EVC2: variants seen among roughly 807,000 people sequenced by gnomAD.
EVC2 encodes the protein limbin.
EVC2 carries 148 observed loss-of-function variants against 149.3 expected under a neutral mutation model. The ratio of observed to expected loss-of-function variants is 0.99; its 90% CI spans 0.87 to 1.14. The LOEUF (loss-of-function observed/expected upper bound fraction) is 1.14, where lower values mean the gene tolerates loss of function less well. EVC2 is among the 50% of genes most tolerant of loss of function. EVC2 has a pLI of 0.00. For synonymous variants in EVC2, 776 were observed against 649.9 expected (o/e 1.19, Z -2.95); for missense variants, 1,854 against 1,627.3 (o/e 1.14, Z -2.40).
In EVC2 at chr4:5,625,749, C is replaced by T. The variant is rs1386834330; in HGVS notation, c.2046G>A (p.Lys682=). 6.2e-7 allele frequency: 1 copy of T among 1,614,118 alleles called. No individual in the cohort carries two copies. The highest frequency in any genetic ancestry group is 8.5e-7 in the Non-Finnish European group (1 of 1,180,034). ...ATAAATAGCATCATGCCTTATATACCTTTTGTAGCAACTCTCGTCTTCTCT... is the reference window on the plus strand; with the variant it reads ...ATAAATAGCATCATGCCTTATATACTTTTTGTAGCAACTCTCGTCTTCTCT... ...ITKRRRELLQ[K]HREQRREQAS... The change falls in exon 13 of 22, where the codon AAG becomes AAA. Residue 682 remains lysine (K), a splice_region_variant and synonymous_variant. Transcript: ENST00000344408. The surrounding 1 kb of genome is among the most constrained non-coding windows in gnomAD (Gnocchi z 4.0).
At chr4:5,655,986 T>C (rs973595665) in intron 9 of EVC2, among the ~76,000 whole-genome samples, 20 of 152,218 alleles carry the variant, frequency 1.3e-4, no homozygotes, top group Admixed American at 1.2e-3. Context: ...AGGAACCATG[T>C]CTATCCCTAT....
chr4:5,646,586 T>C (rs1376487639), intron 9 of EVC2, among the ~76,000 whole-genome samples: 1 of 152,232 alleles, frequency 6.6e-6, no homozygotes, highest in Non-Finnish European at 1.5e-5. Context: ...ATAAAGTTCA[T>C]AGAGATGTAT....
At chr4:5,683,715 T>C (rs1233204074) in intron 6 of EVC2, among the ~76,000 whole-genome samples, 2 of 152,228 alleles carry the variant, frequency 1.3e-5, no homozygotes, top group Non-Finnish European at 2.9e-5. Flanking sequence ...TCCCAGAGCA[T>C]GCAGGGAGCC....
At chr4:5,615,288 C>G in intron 16 of EVC2, 134 bp downstream of exon 16, 2 of 1,446,180 alleles carry the variant, frequency 1.4e-6, no homozygotes, top group Non-Finnish European at 1.9e-6. Flanking sequence ...TACCTTAGCA[C>G]CTGAGTGAGT....
intron 6 of EVC2, among the ~76,000 whole-genome samples, chr4:5,682,859 CAA>C (rs34177761): frequency 4.8e-4 from 47 of 97,020 alleles, no homozygotes; most frequent in Non-Finnish European, 3.5e-4. Flanking sequence ...AACGCTGTCT[CAA>C]AAAAAAAAAA....
At chr4:5,661,539 A>G (rs1560204983) in intron 9 of EVC2, among the ~76,000 whole-genome samples, 1 of 152,380 alleles carries the variant, frequency 6.6e-6, no homozygotes, top group East Asian at 1.9e-4. Flanking sequence ...TAACGTCTTC[A>G]GTCAGACACT....
chr4:5,601,997 G>T lies in EVC2; in HGVS notation c.2829+13425C>A, dbSNP rs954840809. ...CATCAAGAAGAGGATTAATAAAGCT[G>T]GGCATGGTGGCTCATGCCTATAATC... On this transcript the variant is annotated intron_variant, in intron 16 of 21. Coordinates refer to ENST00000344408, the MANE Select transcript of EVC2 (RefSeq NM_147127.5). 1.4e-4 allele frequency among the ~76,000 whole-genome samples: 21 copies of T among 152,298 alleles called. 1 individual carries two copies. In the South Asian group the frequency reaches 2.5e-3, roughly 18 times the overall value.
At chr4:5,666,002 G>A (rs1258943904) in intron 7 of EVC2, among the ~76,000 whole-genome samples, 1 of 152,162 alleles carries the variant, frequency 6.6e-6, no homozygotes, top group African/African-American at 2.4e-5. Flanking sequence ...GACATTTTCT[G>A]AGAATCACAG....
At chr4:5,546,737 AAG>A (rs1721630709) in intron 21 of EVC2, among the ~76,000 whole-genome samples, 2 of 151,890 alleles carry the variant, frequency 1.3e-5, no homozygotes, top group African/African-American at 4.8e-5. Context: ...TGAAAAAAAA[AAG>A]GGAACTGACA....
chr4:5,571,705 T>C (rs930064154), intron 19 of EVC2, among the ~76,000 whole-genome samples: 7 of 152,212 alleles, frequency 4.6e-5, no homozygotes, highest in Admixed American at 1.3e-4. Context: ...TCCTCCAGTC[T>C]GGATGTGCTG....
At chr4:5,676,457 T>A (rs1209906867) in intron 7 of EVC2, among the ~76,000 whole-genome samples, 1 of 152,160 alleles carries the variant, frequency 6.6e-6, no homozygotes, top group African/African-American at 2.4e-5. Flanking sequence ...GGCAAACTCA[T>A]CCTATTCATC....
chr4:5,703,263 G>A (rs1577276925), intron 1 of EVC2, among the ~76,000 whole-genome samples: 1 of 152,100 alleles, frequency 6.6e-6, no homozygotes, highest in Admixed American at 6.5e-5. Context: ...TATTATCACC[G>A]CTCTTGTTAC....
rs955237812 is a variant in EVC2, at chr4:5,686,727, G to A, written c.707-1248C>T. On this transcript the variant is annotated intron_variant, in intron 5 of 21. Coordinates refer to ENST00000344408, the MANE Select transcript of EVC2 (RefSeq NM_147127.5). The surrounding 1 kb of genome is among the most constrained non-coding windows in gnomAD (Gnocchi z 5.4). The stretch of plus-strand genomic sequence containing the variant: ...CAAATAATAATGATGAGGTCAGAAT[G>A]TCAATGAACTGGGACCTGACTGGTC... Among the ~76,000 whole-genome samples the A allele has an allele frequency of 1.3e-5, 2 of 151,952 alleles. No homozygotes were observed. The highest frequency in any genetic ancestry group is 4.8e-5 in the African/African-American group (2 of 41,360).
intron 5 of EVC2, 61 bp from the exon 6 acceptor site, chr4:5,685,540 C>T (rs1720646645): frequency 7.3e-7 from 1 of 1,367,232 alleles, no homozygotes; most frequent in Non-Finnish European, 1.0e-6. Flanking sequence ...GGCTGCACCC[C>T]ACCACACCCC....
At chr4:5,561,860 T>C (rs529105265), downstream of EVC2, among the ~76,000 whole-genome samples, 1 of 152,150 alleles carries the variant, frequency 6.6e-6, no homozygotes, top group Non-Finnish European at 1.5e-5. Context: ...AGATGTTTGA[T>C]TTTTTATCAG....
chr4:5,601,131 C>A (rs1025887650), intron 16 of EVC2, among the ~76,000 whole-genome samples: 43 of 152,232 alleles, frequency 2.8e-4, no homozygotes, highest in Admixed American at 6.5e-4. Flanking sequence ...GAGTGCGCAG[C>A]CCAGCCACCA....
chr4:5,595,462 C>T (rs888974505), intron 16 of EVC2, among the ~76,000 whole-genome samples: 1 of 152,144 alleles, frequency 6.6e-6, no homozygotes, highest in Non-Finnish European at 1.5e-5. Context: ...CATATCCCGC[C>T]AAACTAAGCT....
rs115387225 is a variant in EVC2, at chr4:5,547,756, C to T, written c.3420-4544G>A. ...ACGCAGGATAAGAACTTGGGACCTG[C>T]GGAAGGCAGGCTGAAAGAGCTATAA... On this transcript the variant is annotated intron_variant and NMD_transcript_variant, in intron 21 of 22. Transcript: ENST00000475313. Among the ~76,000 whole-genome samples the T allele has an allele frequency of 1.7e-3, 266 of 152,268 alleles. 1 individual carries two copies. The highest frequency in any genetic ancestry group is 4.0e-3 in the African/African-American group (165 of 41,556).
chr4:5,614,729 G>A lies in EVC2; in HGVS notation c.2829+693C>T, dbSNP rs555161452. On this transcript the variant is annotated intron_variant, in intron 16 of 21. Transcript: ENST00000344408. The surrounding 1 kb of genome is among the most constrained non-coding windows in gnomAD (Gnocchi z 4.7). ...ACAGTGCCTCACGCCTGTAATCCCA[G>A]CACTTTGGGAAGCTGAGGTGGGCGG... Among the ~76,000 whole-genome samples, 1 of 152,286 alleles carries A rather than the reference G, an allele frequency of 6.6e-6. No individual in the cohort carries two copies. The highest frequency in any genetic ancestry group is 1.9e-4 in the East Asian group (1 of 5,190).
Sources: gnomAD v4.1 joint callset for allele counts (sites outside exome capture counted in the v4.1 genomes callset) on GRCh38, gnomAD v4.1.1 for gene constraint, Gnocchi (gnomAD v3.1) non-coding constraint, MANE v1.5 for transcripts, NCBI Gene and HGNC (gene_info 2026-07-23, HGNC 2026-07-21) for gene names.